CLYBL: variants seen among roughly 807,000 people sequenced by gnomAD.
The protein encoded by CLYBL is citramalyl-CoA lyase, mitochondrial.
In CLYBL, 31 loss-of-function variants were observed where a neutral mutation model predicts 38.9. The ratio of observed to expected loss-of-function variants is 0.80; its 90% CI spans 0.60 to 1.08. The LOEUF is 1.08. Among genes scored for constraint, CLYBL ranks in the 50% least tolerant of loss-of-function variants. The pLI is 0.00. For synonymous variants in CLYBL, 171 were observed against 158.6 expected (o/e 1.08, Z -0.59); for missense variants, 434 against 411.6 (o/e 1.05, Z -0.47).
rs955397793 is a variant in CLYBL, at chr13:99,878,342, A to C, written c.927+7280A>C. On this transcript the variant is annotated intron_variant, in intron 7 of 8. Transcript: ENST00000339105. ...ATTAAATCTGTTTTCCAAAGAAAGA[A>C]TAAGCCTGCATTATTGGTCTTAGCT... is the stretch of plus-strand genomic sequence containing the variant. Among the ~76,000 whole-genome samples the C allele has an allele frequency of 2.6e-5, 4 of 152,246 alleles. No individual in the cohort carries two copies. In the South Asian group the frequency reaches 6.2e-4, roughly 24 times the overall value.
intron 2 of CLYBL, among the ~76,000 whole-genome samples, chr13:99,814,361 G>A (rs773497466): frequency 5.9e-5 from 9 of 152,228 alleles, no homozygotes; most frequent in Non-Finnish European, 8.8e-5. Context: ...CTGAATTCAG[G>A]GCATGGGAAC....
intron 2 of CLYBL, among the ~76,000 whole-genome samples, chr13:99,818,811 T>C (rs1029041874): frequency 6.6e-6 from 1 of 152,246 alleles, no homozygotes; most frequent in Non-Finnish European, 1.5e-5. Context: ...TTACATTAGC[T>C]CTTTTTCACT....
intron 8 of CLYBL, among the ~76,000 whole-genome samples, chr13:99,904,644 C>T (rs1473361972): frequency 6.7e-6 from 1 of 149,198 alleles, no homozygotes; most frequent in Non-Finnish European, 1.5e-5. Context: ...TCTAAAATGG[C>T]AGCGTCGTGC....
chr13:99,773,594 C>T (rs1004655884), intron 2 of CLYBL, among the ~76,000 whole-genome samples: 3 of 152,104 alleles, frequency 2.0e-5, no homozygotes, highest in Non-Finnish European at 4.4e-5. Context: ...ACCATTGCGC[C>T]GCCCCACCTC....
At chr13:99,636,683 C>T (rs2047022319) in intron 1 of CLYBL, among the ~76,000 whole-genome samples, 1 of 152,096 alleles carries the variant, frequency 6.6e-6, no homozygotes, top group Non-Finnish European at 1.5e-5. Context: ...TGTGTAGTAG[C>T]AGATATTATT....
chr13:99,758,952 C>T (rs1249984734), intron 1 of CLYBL, among the ~76,000 whole-genome samples: 2 of 152,166 alleles, frequency 1.3e-5, no homozygotes, highest in East Asian at 3.9e-4. Context: ...CCACTGGATA[C>T]AGCTGTGCAG....
chr13:99,622,213 G>A (rs2046809368), intron 1 of CLYBL, among the ~76,000 whole-genome samples: 2 of 152,238 alleles, frequency 1.3e-5, no homozygotes, highest in Admixed American at 1.3e-4. Flanking sequence ...CCCCAACTCA[G>A]GGTCAGCTGA....
intron 1 of CLYBL, among the ~76,000 whole-genome samples, chr13:99,656,927 A>G (rs577696377): frequency 6.6e-6 from 1 of 152,358 alleles, no homozygotes; most frequent in East Asian, 1.9e-4. Context: ...ACCAAGGTGC[A>G]TGTGGTGTGA....
In CLYBL at chr13:99,762,951, C is replaced by T. The variant is rs1477360658; in HGVS notation, c.63-9873C>T. Among the ~76,000 whole-genome samples, 9 of 152,104 alleles carry T rather than the reference C, an allele frequency of 5.9e-5. 1 individual carries two copies. The East Asian group carries it at 1.5e-3, about 26-fold the overall frequency. On this transcript the variant is annotated intron_variant, in intron 1 of 8. Transcript: ENST00000339105. Reference sequence around the variant, plus strand: ...TAGCTATTATAAATAGAATTGCTTTCTTGATATCTTTTTCATATTGTTCAC... The same window carrying T: ...TAGCTATTATAAATAGAATTGCTTTTTTGATATCTTTTTCATATTGTTCAC...
In CLYBL at chr13:99,612,584, C is replaced by T. The variant is rs150041184; in HGVS notation, c.62+5827C>T. On this transcript the variant is annotated intron_variant, in intron 1 of 8. Coordinates refer to ENST00000339105, the MANE Select transcript of CLYBL (RefSeq NM_206808.5). ...TGTATTTTTTGGAGAGACGGGGTTT[C>T]GCCATGTTGCCCAGGCTTGTCTCAA... is the stretch of plus-strand genomic sequence containing the variant. 2.7e-3 allele frequency among the ~76,000 whole-genome samples: 413 copies of T among 152,020 alleles called. 3 individuals carry two copies. Among genetic ancestry groups the T allele is most frequent in the African/African-American group, 9.6e-3 (399 of 41,464 alleles).
At chr13:99,713,220 A>G (rs1353976335) in intron 1 of CLYBL, among the ~76,000 whole-genome samples, 1 of 151,332 alleles carries the variant, frequency 6.6e-6, no homozygotes, top group African/African-American at 2.4e-5. Flanking sequence ...CAAACTTTGC[A>G]TTGATGTACT....
At chr13:99,823,937 TTTGCTTA>T (rs1355245972) in intron 2 of CLYBL, among the ~76,000 whole-genome samples, 1 of 152,222 alleles carries the variant, frequency 6.6e-6, no homozygotes, top group Non-Finnish European at 1.5e-5. Flanking sequence ...AGTCGGGTCT[TTTGCTTA>T]TTGGATCTCA....
intron 1 of CLYBL, among the ~76,000 whole-genome samples, chr13:99,673,807 TG>T (rs2047602336): frequency 6.6e-6 from 1 of 152,150 alleles, no homozygotes; most frequent in African/African-American, 2.4e-5. Flanking sequence ...AGGGTTGAAG[TG>T]GGGAGACCCG....
exon 10 of CLYBL, among the ~76,000 whole-genome samples, chr13:99,908,999 A>T (rs1186917962): frequency 6.6e-6 from 1 of 152,246 alleles, no homozygotes; most frequent in Non-Finnish European, 1.5e-5. Context: ...CTCAAATTCA[A>T]TGTGATTAAT....
intron 2 of CLYBL, among the ~76,000 whole-genome samples, chr13:99,831,897 A>G (rs1348798004): frequency 6.6e-6 from 1 of 152,184 alleles, no homozygotes; most frequent in African/African-American, 2.4e-5. Flanking sequence ...TATCAATACA[A>G]TTCTGCTGTT....
intron 7 of CLYBL, among the ~76,000 whole-genome samples, chr13:99,886,153 A>T (rs1276468568): frequency 6.6e-6 from 1 of 152,222 alleles, no homozygotes; most frequent in Non-Finnish European, 1.5e-5. Flanking sequence ...CCACAGCAAC[A>T]CCGTCATCAG....
At chr13:99,683,752 A>T (rs1021817776) in intron 1 of CLYBL, among the ~76,000 whole-genome samples, 3 of 150,416 alleles carry the variant, frequency 2.0e-5, no homozygotes, top group Non-Finnish European at 3.0e-5. Flanking sequence ...TTTTTTTTTT[A>T]ATAAGGAGGC....
At chr13:99,817,793 A>G (rs547338234) in intron 2 of CLYBL, among the ~76,000 whole-genome samples, 58 of 152,106 alleles carry the variant, frequency 3.8e-4, no homozygotes, top group Non-Finnish European at 7.2e-4. Context: ...GCTTGAACCC[A>G]GGAGTTTAAG....
At chr13:99,766,633 C>T (rs1040640523) in intron 1 of CLYBL, among the ~76,000 whole-genome samples, 1 of 152,032 alleles carries the variant, frequency 6.6e-6, no homozygotes, top group Non-Finnish European at 1.5e-5. Flanking sequence ...ATCTAGTCTT[C>T]TCTGGCTGGC....
Sources: allele counts gnomAD v4.1 joint callset (sites outside exome capture counted in the v4.1 genomes callset), GRCh38; gene constraint gnomAD v4.1.1; transcripts MANE v1.5; gene names NCBI Gene and HGNC (gene_info 2026-07-23, HGNC 2026-07-21).